The following SHISA9 variants were observed in gnomAD, a reference collection of about 807,000 sequenced individuals.
The protein encoded by SHISA9 is shisa family member 9, also known as protein shisa-9.
A neutral mutation model predicts 38.0 loss-of-function variants in SHISA9; 13 were observed. That is an observed-to-expected ratio of 0.34 (90% confidence interval 0.22 to 0.54). The LOEUF (loss-of-function observed/expected upper bound fraction) is 0.54, where lower values mean the gene tolerates loss of function less well. Ranked by LOEUF, SHISA9 falls within the 20% of genes least tolerant of loss-of-function variation. The pLI is 0.91. For missense variants in SHISA9, 538 were observed against 575.8 expected, an observed-to-expected ratio of 0.93 and a Z score of 0.67; for synonymous variants, 275 against 242.0, an observed-to-expected ratio of 1.14 and a Z score of -1.27.
chr16:13,025,154 T>C (rs1259392920), intron 2 of SHISA9, among the ~76,000 whole-genome samples: 1 of 152,240 alleles, frequency 6.6e-6, no homozygotes, highest in South Asian at 2.1e-4. Flanking sequence ...ATAACACTTA[T>C]GACATTATTA....
At chr16:13,521,355 A>G in the SHISA9 span, among the ~76,000 whole-genome samples, 2 of 152,190 alleles carry the variant, frequency 1.3e-5, no homozygotes, top group Non-Finnish European at 2.9e-5. Flanking sequence ...AAAATTAGTC[A>G]TTCTATTTTT....
chr16:13,413,481 C>T, the SHISA9 span, among the ~76,000 whole-genome samples: 3 of 152,038 alleles, frequency 2.0e-5, no homozygotes, highest in Admixed American at 6.5e-5. Flanking sequence ...GTTGGCCAGG[C>T]GCAGTGGCTC....
chr16:12,951,553 A>G (rs2071757576), intron 2 of SHISA9, among the ~76,000 whole-genome samples: 1 of 152,050 alleles, frequency 6.6e-6, no homozygotes, highest in African/African-American at 2.4e-5. Flanking sequence ...CATGGACTGT[A>G]TTTCACTGAC....
At chr16:13,222,811 TAC>T (rs55751164) in intron 4 of SHISA9, among the ~76,000 whole-genome samples, 23 of 92,254 alleles carry the variant, frequency 2.5e-4, no homozygotes, top group Admixed American at 3.3e-4. Flanking sequence ...TATATATATA[TAC>T]ATACACACAC....
intron 2 of SHISA9, among the ~76,000 whole-genome samples, chr16:13,097,511 C>T (rs978516161): frequency 3.3e-5 from 5 of 152,044 alleles, no homozygotes; most frequent in Admixed American, 1.3e-4. Context: ...AGTGATCCCC[C>T]TGCCTCAGTC....
In SHISA9 at chr16:12,902,124, G is replaced by C. The variant is rs772270454; in HGVS notation, c.60G>C (p.Val20=). The change falls in exon 1 of 5, where the codon GTG becomes GTC. Residue 20 remains valine, a synonymous_variant. Transcript: ENST00000558583. The stretch of plus-strand genomic sequence containing the variant: ...TCCTCACCGAGCTGTGCGCCCGCGT[G>C]TGCCGGGCGCAGGAGCGAGCGGGAC... ...GCFLTELCAR[V]CRAQERAGHG... is the part of the protein sequence containing the mutation. 2.0e-6 allele frequency: 3 copies of C among 1,501,814 alleles called. No individual in the cohort carries two copies. The highest frequency in any genetic ancestry group is 4.4e-5 in the Admixed American group (2 of 45,846). 93.0% of individuals were successfully genotyped at this position (1,501,814 alleles called of 1,614,324 possible).
chr16:12,935,593 A>G (rs2071519654), intron 2 of SHISA9, among the ~76,000 whole-genome samples: 1 of 152,186 alleles, frequency 6.6e-6, no homozygotes, highest in Non-Finnish European at 1.5e-5. Flanking sequence ...CACGCTGGTA[A>G]TCCCAGCACT....
intron 2 of SHISA9, among the ~76,000 whole-genome samples, chr16:13,068,134 T>C (rs2073455895): frequency 6.6e-6 from 1 of 152,162 alleles, no homozygotes; most frequent in African/African-American, 2.4e-5. Context: ...TTCTGGGTCC[T>C]AGGACAACCT....
intron 2 of SHISA9, among the ~76,000 whole-genome samples, chr16:13,124,622 A>C (rs565922525): frequency 6.6e-6 from 1 of 152,282 alleles, no homozygotes; most frequent in South Asian, 2.1e-4. Context: ...GACAATCCTA[A>C]AACTTATATG....
At chr16:13,047,125 G>A (rs60174723) in intron 2 of SHISA9, among the ~76,000 whole-genome samples, 6,678 of 152,050 alleles carry the variant, frequency 0.044, 449 homozygotes, top group African/African-American at 0.15. Flanking sequence ...ATTCCTTAAG[G>A]GTCTCCCCAG....
chr16:13,295,950 C>T, the SHISA9 span, among the ~76,000 whole-genome samples: 2 of 152,180 alleles, frequency 1.3e-5, no homozygotes, highest in African/African-American at 4.8e-5. Context: ...GGGACAAATA[C>T]ACCTTTTTTG....
chr16:13,015,003 G>T lies in SHISA9; in HGVS notation c.691+98188G>T, dbSNP rs117865160. On this transcript the variant is annotated intron_variant, in intron 2 of 4. Coordinates refer to ENST00000558583, the MANE Select transcript of SHISA9 (RefSeq NM_001145204.3). Reference sequence around the variant, plus strand: ...GGACATGAAGATATCCTAATAAATGGCTGGTTAGTGGATTCTCTCCTTTCA... The same window carrying T: ...GGACATGAAGATATCCTAATAAATGTCTGGTTAGTGGATTCTCTCCTTTCA... 6.6e-3 allele frequency among the ~76,000 whole-genome samples: 1,003 copies of T among 152,276 alleles called. 7 individuals are homozygous for T. Among genetic ancestry groups the T allele is most frequent in the Middle Eastern group, 0.02 (6 of 294 alleles).
intron 2 of SHISA9, among the ~76,000 whole-genome samples, chr16:13,055,400 C>G (rs1410299287): frequency 2.0e-5 from 3 of 152,186 alleles, no homozygotes; most frequent in African/African-American, 4.8e-5. Flanking sequence ...CACTGTCTCT[C>G]TGGTTCTAGT....
At chr16:13,409,778 G>T in the SHISA9 span, among the ~76,000 whole-genome samples, 2 of 152,214 alleles carry the variant, frequency 1.3e-5, no homozygotes, top group Admixed American at 1.3e-4. Context: ...AGAATTAGCA[G>T]CCATATACCA....
At chr16:13,479,913 AGCGTC>A in the SHISA9 span, among the ~76,000 whole-genome samples, 1 of 152,226 alleles carries the variant, frequency 6.6e-6, no homozygotes, top group Non-Finnish European at 1.5e-5. Flanking sequence ...AAGATAGAAT[AGCGTC>A]TGTTAAGACA....
the SHISA9 span, among the ~76,000 whole-genome samples, chr16:13,516,172 A>C: frequency 6.6e-6 from 1 of 152,162 alleles, no homozygotes; most frequent in Non-Finnish European, 1.5e-5. Flanking sequence ...CCACAGAGCT[A>C]ATGGAGGGTC....
the SHISA9 span, among the ~76,000 whole-genome samples, chr16:13,456,513 A>G: frequency 6.6e-6 from 1 of 152,242 alleles, no homozygotes; most frequent in African/African-American, 2.4e-5. Context: ...CCACTGCGTC[A>G]TGAAGAATTA....
chr16:13,335,992 C>A, the SHISA9 span, among the ~76,000 whole-genome samples: 2 of 152,300 alleles, frequency 1.3e-5, no homozygotes, highest in Admixed American at 1.3e-4. Context: ...GCCTGACAAC[C>A]GCCCATCTGG....
At chr16:13,197,128 C>G (rs960350941) in intron 2 of SHISA9, among the ~76,000 whole-genome samples, 21 of 141,806 alleles carry the variant, frequency 1.5e-4, no homozygotes, top group Admixed American at 8.7e-4. Flanking sequence ...CACACACACA[C>G]ACACACACAT....
Sources: allele counts gnomAD v4.1 joint callset (sites outside exome capture counted in the v4.1 genomes callset), GRCh38; gene constraint gnomAD v4.1.1; transcripts MANE v1.5; gene names NCBI Gene and HGNC (gene_info 2026-07-23, HGNC 2026-07-21).